GFRA2: variants seen among roughly 807,000 people sequenced by gnomAD.
GFRA2 encodes GDNF family receptor alpha-2.
GFRA2 carries 17 observed loss-of-function variants against 48.3 expected under a neutral mutation model. That is an observed-to-expected ratio of 0.35 (90% CI 0.24 to 0.53). The LOEUF (loss-of-function observed/expected upper bound fraction) is 0.53. GFRA2 is among the 20% of genes least tolerant of loss of function. GFRA2 has a pLI of 0.93. For synonymous variants in GFRA2, 305 were observed against 257.2 expected (o/e 1.19, Z -1.78); for missense variants, 660 against 637.3 (o/e 1.04, Z -0.38).
intron 2 of GFRA2, among the ~76,000 whole-genome samples, chr8:21,797,927 G>C (rs201027440): frequency 2.0e-5 from 3 of 152,150 alleles, no homozygotes; most frequent in African/African-American, 7.2e-5. Flanking sequence ...GATGCTGTTT[G>C]CTTTCAACAA....
chr8:21,781,157 G>A (rs1041393079), intron 2 of GFRA2, among the ~76,000 whole-genome samples: 2 of 152,010 alleles, frequency 1.3e-5, no homozygotes, highest in Non-Finnish European at 2.9e-5. Flanking sequence ...CACTGTCCTG[G>A]TTCCGCCACA....
intron 1 of GFRA2, among the ~76,000 whole-genome samples, chr8:21,787,429 G>T (rs1274812849): frequency 6.6e-6 from 1 of 152,172 alleles, no homozygotes. Flanking sequence ...GTGGAGGAGG[G>T]AAGGCCGGGA....
chr8:21,735,322 G>C (rs1341924337), intron 4 of GFRA2, among the ~76,000 whole-genome samples: 12 of 152,056 alleles, frequency 7.9e-5, no homozygotes, highest in Admixed American at 7.9e-4. Flanking sequence ...TTTCTATATA[G>C]CATACATCTA....
intron 3 of GFRA2, among the ~76,000 whole-genome samples, chr8:21,761,202 T>G (rs565713456): frequency 6.6e-6 from 1 of 152,192 alleles, no homozygotes; most frequent in South Asian, 2.1e-4. Flanking sequence ...GATCTCCTCA[T>G]GGAGCATCCA....
At chr8:21,800,789 G>A (rs2117113190) in intron 2 of GFRA2, among the ~76,000 whole-genome samples, 1 of 152,284 alleles carries the variant, frequency 6.6e-6, no homozygotes, top group Non-Finnish European at 1.5e-5. Flanking sequence ...AGCCAGGCGT[G>A]GTGTTGTACA....
intron 4 of GFRA2, among the ~76,000 whole-genome samples, chr8:21,730,011 C>T (rs1804100606): frequency 6.6e-6 from 1 of 152,072 alleles, no homozygotes; most frequent in Non-Finnish European, 1.5e-5. Flanking sequence ...GGAGGAGGAG[C>T]TGCAGGGTGG....
intron 1 of GFRA2, chr8:21,783,200 C>T (rs999368710): frequency 6.6e-5 from 36 of 548,468 alleles, no homozygotes; most frequent in South Asian, 1.4e-4. Context: ...CAGTCTAAGA[C>T]GTCAGGAGCC....
intron 4 of GFRA2, among the ~76,000 whole-genome samples, chr8:21,718,008 T>G (rs1359362432): frequency 6.6e-6 from 1 of 152,234 alleles, no homozygotes; most frequent in Non-Finnish European, 1.5e-5. Flanking sequence ...CTGTGTGATC[T>G]TGAGCAGGTA....
chr8:21,797,462 C>T (rs1585351472), intron 2 of GFRA2: 1 of 151,956 alleles, frequency 6.6e-6, no homozygotes, highest in African/African-American at 2.4e-5. Context: ...GAGGTGCACA[C>T]CTGGCCTGTG....
intron 1 of GFRA2, among the ~76,000 whole-genome samples, chr8:21,786,940 A>C (rs1177926328): frequency 6.6e-6 from 1 of 151,972 alleles, no homozygotes; most frequent in Non-Finnish European, 1.5e-5. Flanking sequence ...CAGCAAGCCA[A>C]GGTGGTAGAA....
At chr8:21,712,457 G>A (rs1803099123) in intron 4 of GFRA2, among the ~76,000 whole-genome samples, 1 of 151,960 alleles carries the variant, frequency 6.6e-6, no homozygotes, top group Non-Finnish European at 1.5e-5. Flanking sequence ...ATGGTGGCCG[G>A]GAAGAGGCGC....
chr8:21,716,674 G>A (rs765125941), intron 4 of GFRA2, among the ~76,000 whole-genome samples: 25 of 152,316 alleles, frequency 1.6e-4, no homozygotes, highest in Non-Finnish European at 2.5e-4. Flanking sequence ...AGAGATAAAC[G>A]TGATGGGACT....
At chr8:21,758,157 T>C (rs931613335) in intron 3 of GFRA2, among the ~76,000 whole-genome samples, 1 of 151,286 alleles carries the variant, frequency 6.6e-6, no homozygotes, top group Non-Finnish European at 1.5e-5. Context: ...TTCCAAAAAC[T>C]GAGACCCAAA....
intron 4 of GFRA2, among the ~76,000 whole-genome samples, chr8:21,744,469 G>A (rs1365462201): frequency 6.6e-6 from 1 of 151,702 alleles, no homozygotes; most frequent in Non-Finnish European, 1.5e-5. Context: ...CATTTCAGAG[G>A]ACCGCTTCCA....
rs1392158214 is a variant in GFRA2 at position 21,788,753 on chromosome 8, G to A, written c.-594C>T. On this transcript the variant is annotated 5_prime_UTR_variant, in exon 1 of 9. Transcript: ENST00000524240. ...AATCTTCTCCCGCTAACCCTTGCTCGGCTCACTTTTTTCTAATGGAATTCC... is the reference window on the plus strand; with the variant it reads ...AATCTTCTCCCGCTAACCCTTGCTCAGCTCACTTTTTTCTAATGGAATTCC... 1 of 985,314 alleles carries A rather than the reference G, an allele frequency of 1.0e-6. No homozygotes were observed. The highest frequency in any genetic ancestry group is 1.7e-5 in the African/African-American group (1 of 57,208). 61.0% of individuals were successfully genotyped at this position (985,314 alleles called of 1,614,324 possible). A position where few individuals can be genotyped will look rare whatever the true frequency, so the allele number is the denominator to read the frequency against.
At position 21,750,945 on chromosome 8, in the gene GFRA2, G is replaced by A; in HGVS notation, c.440-3C>T. 6.2e-7 allele frequency: 1 copy of A among 1,604,242 alleles called. No homozygotes were observed. Among genetic ancestry groups the A allele is most frequent in the South Asian group, 1.1e-5 (1 of 90,234 alleles). On this transcript the variant is annotated splice_polypyrimidine_tract_variant and splice_region_variant and intron_variant, in intron 3 of 8. Transcript: ENST00000524240. This position sits in a 1 kb window ranked among gnomAD's most constrained non-coding sequence, Gnocchi z 5.7. ...GACCACCGGGTCTGCCCCTGTCCCT[G>A]GAGGAGGAACAAGAGAGCAGGTCAG...
rs1806619255 is a variant in GFRA2 at position 21,774,879 on chromosome 8, G to A, written c.439+93C>T. ...CTGATGGGCAGCAGGGCCATCATCG[G>A]ACGCCAGGATGCCTGTCCAAGCCCA... On this transcript the variant is annotated intron_variant, in intron 3 of 8. Transcript: ENST00000524240. 3 of 718,356 alleles carry A rather than the reference G, an allele frequency of 4.2e-6. No homozygotes were observed. The African/African-American group carries it at 5.2e-5, about 12-fold the overall frequency. 44.5% of individuals were successfully genotyped at this position (718,356 alleles called of 1,614,324 possible).
At chr8:21,700,257 A>ACATGGTCCGGG (rs111558863) in intron 7 of GFRA2, among the ~76,000 whole-genome samples, 1 of 151,798 alleles carries the variant, frequency 6.6e-6, no homozygotes, top group Non-Finnish European at 1.5e-5. Context: ...TATTTAATAT[A>ACATGGTCCGGG]CCAGAAGGCC....
intron 4 of GFRA2, among the ~76,000 whole-genome samples, chr8:21,749,616 C>T (rs1805177314): frequency 6.6e-6 from 1 of 152,058 alleles, no homozygotes; most frequent in African/African-American, 2.4e-5. Context: ...GCCACGTGAC[C>T]TACGTTGGGA....
Sources: allele counts gnomAD v4.1 joint callset (sites outside exome capture counted in the v4.1 genomes callset), GRCh38; gene constraint gnomAD v4.1.1; non-coding constraint Gnocchi (gnomAD v3.1); transcripts MANE v1.5; gene names NCBI Gene and HGNC (gene_info 2026-07-23, HGNC 2026-07-21).